The following ADD1 variants were observed in gnomAD, a reference collection of about 807,000 sequenced individuals.
The protein encoded by ADD1 is adducin 1.
Under a neutral mutation model 80.5 loss-of-function variants are expected in ADD1, and 24 were observed. The observed-to-expected ratio is 0.30, with a 90% CI of 0.22 to 0.42. The LOEUF (loss-of-function observed/expected upper bound fraction) is 0.42. ADD1 is among the 10% of genes least tolerant of loss of function. The pLI, the probability that ADD1 is intolerant of heterozygous loss-of-function variation, is 1.00. For missense variants in ADD1, 948 were observed against 1,019.0 expected, an observed-to-expected ratio of 0.93 and a Z score of 0.95; for synonymous variants, 373 against 393.8, an observed-to-expected ratio of 0.95 and a Z score of 0.63.
At chr4:2,884,769 T>C in intron 4 of ADD1, 103 bp downstream of exon 4, 1 of 1,353,780 alleles carries the variant, frequency 7.4e-7, no homozygotes, top group South Asian at 1.5e-5. Flanking sequence ...TGAGCTTCAG[T>C]AAGTCTTGGA....
At position 2,875,950 on chromosome 4, in the gene ADD1, C is replaced by T. The variant is rs1342538275; in HGVS notation, c.35C>T (p.Ser12Leu). The T allele has an allele frequency of 3.7e-6, 6 of 1,612,678 alleles. No individual in the cohort carries two copies. The highest frequency in any genetic ancestry group is 1.7e-5 in the Admixed American group (1 of 59,726). The stretch of plus-strand genomic sequence containing the variant: ...GATTCTCGTGCTGCGGTGGTGACCT[C>T]ACCACCCCCGACCACAGCCCCTCAC... ...NGDSRAAVVT[S>L]PPPTTAPHKE... The change falls in exon 2 of 16, where the codon TCA (serine) becomes TTA (leucine). Residue 12 changes from serine (S) to leucine (L), a missense_variant. By Grantham distance (145) the Ser-to-Leu change is moderately radical (BLOSUM62 -2). Coordinates refer to ENST00000683351, the MANE Select transcript of ADD1 (RefSeq NM_001354761.2).
At chr4:2,904,610 TG>T in intron 9 of ADD1, 153 bp from the exon 10 acceptor site, 1 of 687,656 alleles carries the variant, frequency 1.5e-6, no homozygotes, top group Non-Finnish European at 2.4e-6. Flanking sequence ...TGAACACATT[TG>T]CTTCTGTGGG....
intron 14 of ADD1, among the ~76,000 whole-genome samples, chr4:2,920,302 A>G (rs1739783943): frequency 6.6e-6 from 1 of 152,180 alleles, no homozygotes; most frequent in Admixed American, 6.5e-5. Flanking sequence ...AGAAGAATGT[A>G]TATTCTGTTG....
intron 14 of ADD1, among the ~76,000 whole-genome samples, chr4:2,916,092 C>T (rs549073721): frequency 5.8e-4 from 88 of 152,104 alleles, no homozygotes; most frequent in Non-Finnish European, 1.0e-3. Flanking sequence ...GGTTTCTGTC[C>T]ACATGGAGTG....
intron 4 of ADD1, among the ~76,000 whole-genome samples, chr4:2,885,722 G>T (rs1031171216): frequency 6.6e-6 from 1 of 151,910 alleles, no homozygotes; most frequent in Non-Finnish European, 1.5e-5. Flanking sequence ...CCATTCTCCT[G>T]CCTCAGCCTC....
At chr4:2,882,327 G>A (rs905828579) in intron 3 of ADD1, among the ~76,000 whole-genome samples, 4 of 152,180 alleles carry the variant, frequency 2.6e-5, no homozygotes, top group Non-Finnish European at 4.4e-5. Flanking sequence ...CCCCTATGTA[G>A]ATTAAAATAA....
chr4:2,869,890 G>T (rs1730153076), intron 1 of ADD1, among the ~76,000 whole-genome samples: 1 of 152,086 alleles, frequency 6.6e-6, no homozygotes, highest in East Asian at 1.9e-4. Context: ...ATTACCAGGG[G>T]ATACCACTTT....
At position 2,904,792 on chromosome 4, in the gene ADD1, A is replaced by C. The variant is rs768650483; in HGVS notation, c.1190A>C (p.Tyr397Ser). ...LGYRTGYPYRYPALREKSKKY... is the reference protein window; with the variant it reads ...LGYRTGYPYRSPALREKSKKY... ...TACAGAACTGGCTACCCTTATCGAT[A>C]CCCTGCTCTGAGAGAGAAGTCTAAA... The change falls in exon 10 of 16, where the codon TAC (tyrosine) becomes TCC (serine). Residue 397 changes from tyrosine to serine, a missense_variant. Coordinates refer to ENST00000683351, the MANE Select transcript of ADD1 (RefSeq NM_001354761.2). 4 of 1,614,022 alleles carry C rather than the reference A, an allele frequency of 2.5e-6. No individual in the cohort carries two copies. Among genetic ancestry groups the C allele is most frequent in the African/African-American group, 1.3e-5 (1 of 74,898 alleles).
Position 2,846,130 on chromosome 4 carries a change from T to G in ADD1, c.-21+2106T>G, listed in dbSNP as rs114213603. On this transcript the variant is annotated intron_variant, in intron 1 of 15. Coordinates refer to ENST00000683351, the MANE Select transcript of ADD1 (RefSeq NM_001354761.2). The stretch of plus-strand genomic sequence containing the variant: ...TTAATACTTTCAAATATCCAGCCAG[T>G]GTTAAAATTGTCAGAATTCTCATTT... Among the ~76,000 whole-genome samples, 1,095 of 152,346 alleles carry G rather than the reference T, an allele frequency of 7.2e-3. 10 individuals carry two copies. Among genetic ancestry groups the G allele is most frequent in the African/African-American group, 0.025 (1,024 of 41,580 alleles).
At chr4:2,873,852 C>T (rs780971697) in intron 1 of ADD1, among the ~76,000 whole-genome samples, 11 of 152,084 alleles carry the variant, frequency 7.2e-5, no homozygotes, top group Non-Finnish European at 1.0e-4. Context: ...GGAAGGTTTA[C>T]AATAAATAGA....
intron 4 of ADD1, among the ~76,000 whole-genome samples, chr4:2,892,651 G>A (rs1734488855): frequency 6.6e-6 from 1 of 152,006 alleles, no homozygotes; most frequent in Non-Finnish European, 1.5e-5. Flanking sequence ...GCAACTTAGT[G>A]AGACCCCATC....
At chr4:2,872,345 TAGAG>T (rs1445093743) in intron 1 of ADD1, among the ~76,000 whole-genome samples, 1 of 152,210 alleles carries the variant, frequency 6.6e-6, no homozygotes, top group Non-Finnish European at 1.5e-5. Flanking sequence ...AATATTGAGA[TAGAG>T]AAACATTCAT....
At chr4:2,894,417 G>T (rs1485948014) in intron 5 of ADD1, among the ~76,000 whole-genome samples, 165 bp from the exon 6 acceptor site, 1 of 150,916 alleles carries the variant, frequency 6.6e-6, no homozygotes, top group Non-Finnish European at 1.5e-5. Context: ...AATTAGCTGG[G>T]CATGGTGGTG....
chr4:2,900,854 T>C (rs1324412109), intron 9 of ADD1: 1 of 152,184 alleles, frequency 6.6e-6, no homozygotes, highest in Admixed American at 6.5e-5. Context: ...TGAGGTTGAT[T>C]GCATTAATTG....
At chr4:2,903,581 C>T (rs1298880762) in intron 9 of ADD1, among the ~76,000 whole-genome samples, 1 of 152,212 alleles carries the variant, frequency 6.6e-6, no homozygotes, top group Non-Finnish European at 1.5e-5. Context: ...GGCAGCTTTA[C>T]TTCTTCAGAG....
At position 2,926,292 on chromosome 4, in the gene ADD1, A is replaced by C; in HGVS notation, c.2047+180A>C. The C allele has an allele frequency of 6.8e-6, 5 of 731,118 alleles. No individual in the cohort carries two copies. The highest frequency in any genetic ancestry group is 1.2e-5 in the Non-Finnish European group (5 of 406,794). The allele number at this position is 731,118 out of a possible 1,614,324, so 45.3% of individuals were successfully genotyped here. ...TGTCCTGGGTAACTCCAGGCAAAAC[A>C]GATTTGTATGTGAGCTGTGACCAGG... On this transcript the variant is annotated intron_variant, in intron 15 of 15. Coordinates refer to ENST00000683351, the MANE Select transcript of ADD1 (RefSeq NM_001354761.2). This position sits in a 1 kb window ranked among gnomAD's most constrained non-coding sequence, Gnocchi z 5.0.
chr4:2,883,164 T>C (rs1022075281), intron 3 of ADD1, among the ~76,000 whole-genome samples: 6 of 152,242 alleles, frequency 3.9e-5, no homozygotes, highest in South Asian at 2.1e-4. Flanking sequence ...ACCTGGCCCA[T>C]TTCGTCTGTA....
intron 1 of ADD1, among the ~76,000 whole-genome samples, chr4:2,847,360 G>A (rs1726395254): frequency 6.6e-6 from 1 of 151,230 alleles, no homozygotes; most frequent in Non-Finnish European, 1.5e-5. Flanking sequence ...GGCGGAGGTC[G>A]CAGTGCCATT....
intron 14 of ADD1, among the ~76,000 whole-genome samples, chr4:2,924,464 G>C (rs1211922924): frequency 6.6e-6 from 1 of 152,192 alleles, no homozygotes; most frequent in Non-Finnish European, 1.5e-5. Flanking sequence ...AGGGCCGTAA[G>C]CTCCAACTCA....
Sources: allele counts gnomAD v4.1 joint callset (sites outside exome capture counted in the v4.1 genomes callset), GRCh38; gene constraint gnomAD v4.1.1; non-coding constraint Gnocchi (gnomAD v3.1); transcripts MANE v1.5; gene names NCBI Gene and HGNC (gene_info 2026-07-23, HGNC 2026-07-21).